The following ARL10 variants were observed in gnomAD, a reference collection of about 807,000 sequenced individuals.
ARL10 encodes the protein ADP-ribosylation factor-like protein 10.
ARL10 carries 23 observed loss-of-function variants against 26.1 expected under a neutral mutation model. That is an observed-to-expected ratio of 0.88 (90% CI 0.63 to 1.25). The LOEUF (loss-of-function observed/expected upper bound fraction) is 1.25. Ranked by LOEUF, ARL10 falls within the 50% of genes most tolerant of loss-of-function variation. The probability of loss-of-function intolerance (pLI) is 0.00; values close to 1 mark genes in which losing one functional copy is unlikely to be tolerated. For missense variants in ARL10, 300 were observed against 323.6 expected (o/e 0.93, Z 0.56); for synonymous variants, 138 against 149.1 (o/e 0.93, Z 0.54).
chr5:176,392,742 C>G (rs768545653), downstream of ARL10: 2 of 1,611,196 alleles, frequency 1.2e-6, no homozygotes, highest in Non-Finnish European at 1.7e-6. The surrounding 1 kb of genome is among the most constrained non-coding windows in gnomAD (Gnocchi z 5.2). Context: ...CAGGCCCAGC[C>G]CATGCTCTGT....
chr5:176,366,718 G>A (rs1333673448), intron 2 of ARL10, 137 bp downstream of exon 2: 1 of 1,063,898 alleles, frequency 9.4e-7, no homozygotes, highest in Non-Finnish European at 1.3e-6. Context: ...GCTCTCCGGG[G>A]CACAGGATTC....
downstream of ARL10, chr5:176,384,529 G>A (rs1755679393): frequency 1.4e-6 from 1 of 724,998 alleles, no homozygotes; most frequent in South Asian, 1.9e-5. Flanking sequence ...GCTCATGCCT[G>A]TAATCCCAAC....
downstream of ARL10, chr5:176,389,201 T>C: frequency 8.4e-7 from 1 of 1,197,446 alleles, no homozygotes; most frequent in Admixed American, 2.2e-5. Flanking sequence ...AGACCTCGAC[T>C]CGACCTACCC....
chr5:176,372,331 T>G lies in ARL10; in HGVS notation c.*436T>G, dbSNP rs1173437414. The stretch of plus-strand genomic sequence containing the variant: ...GTCATGCCCTTCTCATGTGGGCAGC[T>G]TCTGAGTGGTGACACAGCAAGCCTT... On this transcript the variant is annotated 3_prime_UTR_variant, in exon 4 of 4. Transcript: ENST00000310389. 1 of 172,964 alleles carries G rather than the reference T, an allele frequency of 5.8e-6. No individual in the cohort carries two copies. Among genetic ancestry groups the G allele is most frequent in the African/African-American group, 2.4e-5 (1 of 42,130 alleles). 10.7% of individuals were successfully genotyped at this position (172,964 alleles called of 1,614,324 possible).
At chr5:176,401,616 T>C in intron 1 of ARL10, 1 of 407,892 alleles carries the variant, frequency 2.5e-6, no homozygotes, top group Non-Finnish European at 5.0e-6. Context: ...CATCGAGACC[T>C]CAGCCTTTAG....
downstream of ARL10, chr5:176,386,798 G>T (rs1755875966): frequency 1.9e-6 from 3 of 1,558,274 alleles, no homozygotes; most frequent in African/African-American, 1.4e-5. Flanking sequence ...GCTTCCCACA[G>T]TGCAGGACAG....
chr5:176,388,084 T>G, intron 1 of ARL10: 1 of 618,404 alleles, frequency 1.6e-6, no homozygotes. Flanking sequence ...AGACCCTTGC[T>G]CAACGTCAGT....
At chr5:176,385,183 C>T (rs777705990), downstream of ARL10, 20 of 1,179,516 alleles carry the variant, frequency 1.7e-5, no homozygotes, top group Admixed American at 1.7e-4. Context: ...TGGTCCAGGG[C>T]GCCTTCCCAG....
rs759804836 is a variant in ARL10 at position 176,366,471 on chromosome 5, C to G, written c.275C>G (p.Thr92Arg). 6.2e-7 allele frequency: 1 copy of G among 1,613,962 alleles called. No homozygotes were observed. The highest frequency in any genetic ancestry group is 2.2e-5 in the East Asian group (1 of 44,874). Reference protein sequence around the residue: ...VLGLDGAGKSTFLRVLSGKPP... With the variant: ...VLGLDGAGKSRFLRVLSGKPP... ...GGGCTGGATGGCGCAGGCAAGAGCACGTTCCTGCGCGTGTTGTCGGGGAAG... is the reference window on the plus strand; with the variant it reads ...GGGCTGGATGGCGCAGGCAAGAGCAGGTTCCTGCGCGTGTTGTCGGGGAAG... Residue 92 changes from threonine (T) to arginine (R), a missense_variant, in exon 2 of 4, where the codon ACG (threonine) becomes AGG (arginine). By Grantham distance (71) the Thr-to-Arg change is moderately conservative. Transcript: ENST00000310389.
downstream of ARL10, chr5:176,389,457 T>G: frequency 1.9e-6 from 3 of 1,614,122 alleles, no homozygotes; most frequent in Non-Finnish European, 2.5e-6. Context: ...GCAGCCATCT[T>G]GCTGGGTCTG....
downstream of ARL10, among the ~76,000 whole-genome samples, chr5:176,404,970 C>T (rs1757032467): frequency 1.3e-5 from 2 of 152,200 alleles, no homozygotes; most frequent in South Asian, 4.1e-4. Flanking sequence ...TTACTAGCTA[C>T]ACAACTCGAG....
In ARL10 at chr5:176,368,704, G is replaced by A. The variant is rs1224134427; in HGVS notation, c.386-103G>A. On this transcript the variant is annotated intron_variant, in intron 2 of 3. Transcript: ENST00000310389. This position sits in a 1 kb window ranked among gnomAD's most constrained non-coding sequence, Gnocchi z 4.1. ...GCAGTGAGCGGGGGCCCGGGGTGGGGTGGGGGCTGTGGGCAGTGAGCGGGG... is the reference window on the plus strand; with the variant it reads ...GCAGTGAGCGGGGGCCCGGGGTGGGATGGGGGCTGTGGGCAGTGAGCGGGG... 6 of 1,264,176 alleles carry A rather than the reference G, an allele frequency of 4.7e-6. No individual in the cohort carries two copies. The highest frequency in any genetic ancestry group is 5.3e-6 in the Non-Finnish European group (5 of 948,242). 78.3% of individuals were successfully genotyped at this position (1,264,176 alleles called of 1,614,324 possible).
rs570423413 is a variant in ARL10, at chr5:176,397,700, G to A, written c.134-4041G>A. On this transcript the variant is annotated intron_variant, in intron 1 of 1. Transcript: ENST00000514533. ...GGCCTTCTCCCGCCATTCCTGTTCC[G>A]TGACCTTAGATGCAGCATCTAGGAC... 35 of 1,613,578 alleles carry A rather than the reference G, an allele frequency of 2.2e-5. No individual in the cohort carries two copies. The highest frequency in any genetic ancestry group is 2.5e-5 in the Non-Finnish European group (29 of 1,179,882).
At chr5:176,396,597 G>T in intron 1 of ARL10, 2 of 1,166,382 alleles carry the variant, frequency 1.7e-6, no homozygotes, top group Non-Finnish European at 2.6e-6. Flanking sequence ...AGACAGGCAG[G>T]CAGAAGGTTA....
chr5:176,411,051 C>T, the ARL10 span, among the ~76,000 whole-genome samples: 4 of 152,238 alleles, frequency 2.6e-5, no homozygotes, highest in East Asian at 1.9e-4. Flanking sequence ...CTGCTTTGCC[C>T]GCTAGGGGCA....
At chr5:176,399,036 G>T (rs1180102614) in intron 1 of ARL10, among the ~76,000 whole-genome samples, 2 of 151,982 alleles carry the variant, frequency 1.3e-5, no homozygotes, top group South Asian at 2.1e-4. Flanking sequence ...TAGAGACGGG[G>T]TTTCTCCATG....
chr5:176,365,738 G>C lies in ARL10; in HGVS notation c.175G>C (p.Glu59Gln). 8.1e-7 allele frequency: 1 copy of C among 1,236,188 alleles called. No homozygotes were observed. Among genetic ancestry groups the C allele is most frequent in the Non-Finnish European group, 1.0e-6 (1 of 989,084 alleles). 76.6% of individuals were successfully genotyped at this position (1,236,188 alleles called of 1,614,324 possible). A position where few individuals can be genotyped will look rare whatever the true frequency, so the allele number is the denominator to read the frequency against. The change falls in exon 1 of 4, where the codon GAG becomes CAG. Residue 59 changes from glutamate (E) to glutamine (Q), a missense_variant. Glu to Gln is a conservative substitution (Grantham distance 29). Coordinates refer to ENST00000310389, the MANE Select transcript of ARL10 (RefSeq NM_173664.6). The part of the protein sequence containing the change: ...AEAARLPEWD[E>Q]WDPEDEEDEE... ...GGCTGCCCGCCTCCCCGAGTGGGAC[G>C]AGTGGGACGTGAGTGCCGGGCCGAG...
In ARL10 at chr5:176,380,755, C is replaced by G. The variant is rs965503654; in HGVS notation, c.*8860C>G. On this transcript the variant is annotated 3_prime_UTR_variant, in exon 4 of 4. Transcript: ENST00000310389. ...AAAGTGTTGGGATTACAGGTGTGAG[C>G]CATCACACCCGGACTTGTTTTGTTT... 3 of 152,038 alleles carry G rather than the reference C, an allele frequency of 2.0e-5. No homozygotes were observed. The highest frequency in any genetic ancestry group is 2.9e-5 in the Non-Finnish European group (2 of 68,016). 9.4% of individuals were successfully genotyped at this position (152,038 alleles called of 1,614,324 possible). A position where few individuals can be genotyped will look rare whatever the true frequency, so the allele number is the denominator to read the frequency against.
In ARL10 at chr5:176,372,124, G is replaced by A; in HGVS notation, c.*229G>A. ...GGTGGGTGAGACAGAGGGTGGGGAG[G>A]ATAGTGTCTGGCTCATTCCAGGCTG... On this transcript the variant is annotated 3_prime_UTR_variant, in exon 4 of 4. Transcript: ENST00000310389. 1 of 1,379,714 alleles carries A rather than the reference G, an allele frequency of 7.2e-7. No individual in the cohort carries two copies. The highest frequency in any genetic ancestry group is 9.4e-7 in the Non-Finnish European group (1 of 1,059,356). 85.5% of individuals were successfully genotyped at this position (1,379,714 alleles called of 1,614,324 possible).
Sources: allele counts gnomAD v4.1 joint callset (sites outside exome capture counted in the v4.1 genomes callset), GRCh38; gene constraint gnomAD v4.1.1; non-coding constraint Gnocchi (gnomAD v3.1); transcripts MANE v1.5; gene names NCBI Gene and HGNC (gene_info 2026-07-23, HGNC 2026-07-21).